Variants in AMACR observed in about 807,000 individuals in gnomAD.
AMACR encodes alpha-methylacyl-CoA racemase, also known as 2-methylacyl-CoA racemase.
Under a neutral mutation model 22.2 loss-of-function variants are expected in AMACR, and 18 were observed. The observed-to-expected ratio is 0.81, with a 90% CI of 0.56 to 1.20. AMACR has a LOEUF of 1.20. Among genes scored for constraint, AMACR ranks in the 50% most tolerant of loss-of-function variants. The pLI, the probability that AMACR is intolerant of heterozygous loss-of-function variation, is 0.00. For missense variants in AMACR, 499 were observed against 490.6 expected, an observed-to-expected ratio of 1.02 and a Z score of -0.16; for synonymous variants, 213 against 191.3, an observed-to-expected ratio of 1.11 and a Z score of -0.94.
chr5:34,004,962 C>T (rs1299251135), intron 2 of AMACR, among the ~76,000 whole-genome samples: 2 of 152,116 alleles, frequency 1.3e-5, no homozygotes, highest in East Asian at 3.9e-4. Flanking sequence ...CTATTCCAAC[C>T]AACATTTTCA....
At chr5:34,006,289 A>T (rs1362345901) in intron 1 of AMACR, among the ~76,000 whole-genome samples, 1 of 152,120 alleles carries the variant, frequency 6.6e-6, no homozygotes, top group East Asian at 1.9e-4. Context: ...TCAGCTCATG[A>T]GCTCCTCCTG....
chr5:34,006,001 T>C (rs1753965593), intron 1 of AMACR, 102 bp from the exon 2 acceptor site: 3 of 1,379,502 alleles, frequency 2.2e-6, no homozygotes, highest in Non-Finnish European at 3.0e-6. Flanking sequence ...CAAGTAATAT[T>C]AATAACATTT....
chr5:33,988,113 C>T lies in AMACR; in HGVS notation c.*980G>A, dbSNP rs1753351307. On this transcript the variant is annotated 3_prime_UTR_variant, in exon 5 of 5. Coordinates refer to ENST00000335606, the MANE Select transcript of AMACR (RefSeq NM_014324.6). ...TTCTCTACTCCCTCTACTCTGATGG[C>T]ACCCGGATTAGATTGTGGAATCTAC... 3 of 520,838 alleles carry T rather than the reference C, an allele frequency of 5.8e-6. No homozygotes were observed. The highest frequency in any genetic ancestry group is 6.3e-5 in the South Asian group (2 of 31,722). 32.3% of individuals were successfully genotyped at this position (520,838 alleles called of 1,614,324 possible).
intron 4 of AMACR, among the ~76,000 whole-genome samples, chr5:33,995,943 T>C (rs974388151): frequency 3.3e-5 from 5 of 152,198 alleles, no homozygotes; most frequent in African/African-American, 1.2e-4. Flanking sequence ...CTCCCTGTGG[T>C]AGCCTTGAAA....
At position 33,999,527 on chromosome 5, in the gene AMACR, A is replaced by G. The variant is rs771367586; in HGVS notation, c.553-700T>C. Among the ~76,000 whole-genome samples the G allele has an allele frequency of 1.1e-3, 160 of 152,206 alleles. 1 individual carries two copies. Among genetic ancestry groups the G allele is most frequent in the Admixed American group, 3.3e-4 (5 of 15,276 alleles). ...CACTGAGTCCTGAAGTAATTACACA[A>G]TAAAGTACAATTATCACAAGGCTCA... On this transcript the variant is annotated intron_variant, in intron 3 of 4. Transcript: ENST00000335606.
intron 3 of AMACR, among the ~76,000 whole-genome samples, chr5:34,001,324 G>A (rs1753808428): frequency 6.6e-6 from 1 of 152,216 alleles, no homozygotes; most frequent in South Asian, 2.1e-4. Context: ...GGGCCAAAGA[G>A]GACTTATGGA....
chr5:33,988,491 C>G lies in AMACR; in HGVS notation c.*602G>C. ...TCCCTCTGGACTCTACGTAGTGAGCCAACACATTTCCTCATTATTTTGGAT... is the reference window on the plus strand; with the variant it reads ...TCCCTCTGGACTCTACGTAGTGAGCGAACACATTTCCTCATTATTTTGGAT... On this transcript the variant is annotated 3_prime_UTR_variant, in exon 5 of 5. Coordinates refer to ENST00000335606, the MANE Select transcript of AMACR (RefSeq NM_014324.6). The G allele has an allele frequency of 7.0e-7, 1 of 1,436,740 alleles. No individual in the cohort carries two copies. Among genetic ancestry groups the G allele is most frequent in the Non-Finnish European group, 9.1e-7 (1 of 1,098,068 alleles). The allele number at this position is 1,436,740 out of a possible 1,614,324, so 89.0% of individuals were successfully genotyped here. A position where few individuals can be genotyped will look rare whatever the true frequency, so the allele number is the denominator to read the frequency against.
At position 33,998,635 on chromosome 5, in the gene AMACR, A is replaced by T; in HGVS notation, c.739+6T>A. 2 of 1,602,864 alleles carry T rather than the reference A, an allele frequency of 1.2e-6. No individual in the cohort carries two copies. Among genetic ancestry groups the T allele is most frequent in the Non-Finnish European group, 1.7e-6 (2 of 1,173,050 alleles). ...GAACTGGGGGAGACGCGTGAAGTTC[A>T]CTTACCTTTGATCAGCAGCTCGTAG... On this transcript the variant is annotated splice_donor_region_variant and intron_variant, in intron 4 of 4. Coordinates refer to ENST00000335606, the MANE Select transcript of AMACR (RefSeq NM_014324.6).
rs900199195 is a variant in AMACR, at chr5:33,988,579, A to G, written c.*514T>C. 1.3e-5 allele frequency: 17 copies of G among 1,347,106 alleles called. No individual in the cohort carries two copies. Among genetic ancestry groups the G allele is most frequent in the Non-Finnish European group, 1.5e-5 (16 of 1,051,286 alleles). 83.4% of individuals were successfully genotyped at this position (1,347,106 alleles called of 1,614,324 possible). On this transcript the variant is annotated 3_prime_UTR_variant, in exon 5 of 5. Transcript: ENST00000335606. ...GGTGAAACTTTTCTTTGCAAATTACAAAGTGTGATAACTGTTGCTAAAGTT... is the reference window on the plus strand; with the variant it reads ...GGTGAAACTTTTCTTTGCAAATTACGAAGTGTGATAACTGTTGCTAAAGTT...
intron 3 of AMACR, among the ~76,000 whole-genome samples, chr5:34,001,974 C>G (rs1753831141): frequency 1.3e-5 from 2 of 152,092 alleles, no homozygotes; most frequent in Admixed American, 1.3e-4. Flanking sequence ...TTTCACATAC[C>G]CTAAAACCTT....
chr5:34,004,688 C>A lies in AMACR; in HGVS notation c.438G>T (p.Pro146=). 6.2e-7 allele frequency: 1 copy of A among 1,614,130 alleles called. No individual in the cohort carries two copies. The highest frequency in any genetic ancestry group is 1.1e-5 in the South Asian group (1 of 91,080). The part of the protein sequence containing the change: ...IGRSGENPYA[P]LNLLADFAGG... ...CAGCAAAGTCAGCCAGGAGATTCAG[C>A]GGGGCATACGGATTCTCACCACTTC... Residue 146 remains proline (P), a synonymous_variant, in exon 3 of 5, where the codon CCG becomes CCT. Transcript: ENST00000335606.
intron 4 of AMACR, chr5:33,997,855 A>G: frequency 3.0e-6 from 1 of 328,462 alleles, no homozygotes; most frequent in Non-Finnish European, 5.5e-6. Flanking sequence ...AATTTAAAAA[A>G]AGTCATTCCA....
chr5:33,998,778 A>G lies in AMACR; in HGVS notation c.602T>C (p.Leu201Ser), dbSNP rs2287939. 1,143,016 of 1,613,612 alleles carry G rather than the reference A, an allele frequency of 0.71. 408,251 individuals carry two copies. The highest frequency in any genetic ancestry group is 0.85 in the East Asian group (38,323 of 44,870). Residue 201 changes from leucine to serine, a missense_variant, in exon 4 of 5, where the codon TTG becomes TCG. Coordinates refer to ENST00000335606, the MANE Select transcript of AMACR (RefSeq NM_014324.6). The stretch of plus-strand genomic sequence containing the variant: ...TCCTCGAGGTGCTTCCCACAGACTC[A>G]ATTTCTGAGTTTTCCACAGAAAAGA... ...LSSFLWKTQK[L>S]SLWEAPRGQN...
chr5:34,005,850 A>C lies in AMACR; in HGVS notation c.297T>G (p.Asn99Lys). The C allele has an allele frequency of 6.2e-7, 1 of 1,614,112 alleles. No homozygotes were observed. Among genetic ancestry groups the C allele is most frequent in the Non-Finnish European group, 8.5e-7 (1 of 1,180,016 alleles). ...QLGPEILQRENPRLIYARLSG... is the reference protein window; with the variant it reads ...QLGPEILQREKPRLIYARLSG... Reference sequence around the variant, plus strand: ...TCAGCCTGGCATAAATAAGCCTTGGATTTTCCCGCTGCAGAATCTCTGGGC... The same window carrying C: ...TCAGCCTGGCATAAATAAGCCTTGGCTTTTCCCGCTGCAGAATCTCTGGGC... Residue 99 changes from asparagine to lysine, a missense_variant, in exon 2 of 5, where the codon AAT (asparagine) becomes AAG (lysine). Transcript: ENST00000335606.
intron 4 of AMACR, 41 bp from the exon 5 acceptor site, chr5:33,989,543 C>G (rs1357046216): frequency 6.6e-7 from 1 of 1,514,468 alleles, no homozygotes; most frequent in Admixed American, 1.7e-5. Context: ...ATGCTTTGAA[C>G]AGAGCAATTA....
Position 33,989,428 on chromosome 5 carries a change from C to T in AMACR, c.814G>A (p.Ala272Thr). ...DDWPEMKKKF[A>T]DVFAEKTKAE... ...TTCGTCTTCTCTGCAAATACATCTGCAAACTTCTTCTTCATTTCTGGCCAA... is the reference window on the plus strand; with the variant it reads ...TTCGTCTTCTCTGCAAATACATCTGTAAACTTCTTCTTCATTTCTGGCCAA... Residue 272 changes from alanine (A) to threonine (T), a missense_variant, in exon 5 of 5, where the codon GCA becomes ACA. Ala to Thr is a moderately conservative substitution (Grantham distance 58, BLOSUM62 0). Coordinates refer to ENST00000335606, the MANE Select transcript of AMACR (RefSeq NM_014324.6). 1 of 1,614,162 alleles carries T rather than the reference C, an allele frequency of 6.2e-7. No homozygotes were observed. The highest frequency in any genetic ancestry group is 8.5e-7 in the Non-Finnish European group (1 of 1,179,996).
At chr5:33,997,696 C>CT in intron 4 of AMACR, 2 of 634,582 alleles carry the variant, frequency 3.2e-6, no homozygotes, top group South Asian at 3.9e-5. Flanking sequence ...GAGAGGTACC[C>CT]TTTATGATCT....
At position 33,988,160 on chromosome 5, in the gene AMACR, G is replaced by T; in HGVS notation, c.*933C>A. 1.5e-6 allele frequency: 1 copy of T among 653,612 alleles called. No individual in the cohort carries two copies. Among genetic ancestry groups the T allele is most frequent in the South Asian group, 2.2e-5 (1 of 44,670 alleles). The allele number at this position is 653,612 out of a possible 1,614,324, so 40.5% of individuals were successfully genotyped here. ...CTACCCCTTCCTCACATGCCTTTAG[G>T]AAGTTGAGTCCAGGGAAGCTCCAGG... On this transcript the variant is annotated 3_prime_UTR_variant, in exon 5 of 5. Coordinates refer to ENST00000335606, the MANE Select transcript of AMACR (RefSeq NM_014324.6).
chr5:34,001,996 TATTTA>T (rs555851702), intron 3 of AMACR, among the ~76,000 whole-genome samples: 37 of 152,280 alleles, frequency 2.4e-4, no homozygotes, highest in African/African-American at 3.1e-4. Context: ...CTATCTTCTT[TATTTA>T]ATTTATTTAT....
Sources: allele counts gnomAD v4.1 joint callset (sites outside exome capture counted in the v4.1 genomes callset), GRCh38; gene constraint gnomAD v4.1.1; transcripts MANE v1.5; gene names NCBI Gene and HGNC (gene_info 2026-07-23, HGNC 2026-07-21).